DNAH17: variants seen among roughly 807,000 people sequenced by gnomAD.
The protein encoded by DNAH17 is dynein axonemal heavy chain 17, also known as axonemal beta dynein heavy chain 17.
A neutral mutation model predicts 485.6 loss-of-function variants in DNAH17; 376 were observed. The ratio of observed to expected loss-of-function variants is 0.77; its 90% CI spans 0.71 to 0.84. DNAH17 has a LOEUF of 0.84. DNAH17 is among the 40% of genes least tolerant of loss of function. DNAH17 has a pLI of 0.00. For synonymous variants in DNAH17, 3,031 were observed against 2,405.9 expected, an observed-to-expected ratio of 1.26 and a Z score of -7.60; for missense variants, 6,370 against 5,839.3, an observed-to-expected ratio of 1.09 and a Z score of -2.96.
rs1364724892 is a variant in DNAH17, at chr17:78,450,560, C to G, written c.10899+122G>C. The G allele has an allele frequency of 4.9e-6, 7 of 1,422,126 alleles. No homozygotes were observed. The African/African-American group carries it at 7.1e-5, about 14-fold the overall frequency. 88.1% of individuals were successfully genotyped at this position (1,422,126 alleles called of 1,614,324 possible). ...CCAGACCCCTTCTCCTGCCCTGGGC[C>G]CACTCGGGCACGTATGACCGAAGCT... On this transcript the variant is annotated intron_variant, in intron 67 of 80. Transcript: ENST00000389840.
intron 7 of DNAH17, 127 bp from the exon 8 acceptor site, chr17:78,569,654 T>G: frequency 1.7e-6 from 2 of 1,211,132 alleles, no homozygotes; most frequent in Non-Finnish European, 2.2e-6. Context: ...CCCTCCTATC[T>G]GCCCACTGCT....
At chr17:78,466,532 A>G in intron 56 of DNAH17, 123 bp downstream of exon 56, 1 of 869,094 alleles carries the variant, frequency 1.2e-6, no homozygotes, top group African/African-American at 1.7e-5. Context: ...CGTTGAGCCC[A>G]AGGCGGACGC....
intron 61 of DNAH17, 52 bp from the exon 62 acceptor site, chr17:78,458,732 C>T (rs909137207): frequency 6.7e-6 from 10 of 1,494,974 alleles, no homozygotes; most frequent in Admixed American, 5.0e-5. Context: ...GCATCTCTAG[C>T]CCCCTGCAGC....
rs1598469693 is a variant in DNAH17 at position 78,450,977 on chromosome 17, A to G, written c.10735-131T>C. On this transcript the variant is annotated intron_variant, in intron 66 of 80. Coordinates refer to ENST00000389840, the MANE Select transcript of DNAH17 (RefSeq NM_173628.4). The stretch of plus-strand genomic sequence containing the variant: ...CGGGAGGAACGAGCTCAGGTCCTGG[A>G]AGGGGCTGCAGAAGCAGAGCCCCTG... The G allele has an allele frequency of 6.0e-6, 7 of 1,173,492 alleles. No homozygotes were observed. In the South Asian group the frequency reaches 7.3e-5, roughly 12 times the overall value. The allele number at this position is 1,173,492 out of a possible 1,614,324, so 72.7% of individuals were successfully genotyped here.
chr17:78,546,853 C>G (rs547345920), intron 16 of DNAH17, among the ~76,000 whole-genome samples: 1 of 151,862 alleles, frequency 6.6e-6, no homozygotes, highest in Non-Finnish European at 1.5e-5. Flanking sequence ...TGCAGCAAGC[C>G]GAGATTGTGC....
Position 78,507,291 on chromosome 17 carries a change from C to G in DNAH17, c.4663G>C (p.Ala1555Pro), listed in dbSNP as rs2090512065. 2.5e-6 allele frequency: 4 copies of G among 1,613,898 alleles called. No homozygotes were observed. The highest frequency in any genetic ancestry group is 2.5e-6 in the Non-Finnish European group (3 of 1,179,896). ...TGTGAGCCGCACCTCTTCTTCAGGGCCTCCAGTTTATTGTAGAGGCCGGGT... is the reference window on the plus strand; with the variant it reads ...TGTGAGCCGCACCTCTTCTTCAGGGGCTCCAGTTTATTGTAGAGGCCGGGT... ...SKPGLYNKLE[A>P]LKKSLAICEK... is the part of the protein sequence containing the mutation. Residue 1555 changes from alanine (A) to proline (P), a missense_variant, in exon 29 of 81, where the codon GCC (alanine) becomes CCC (proline). Physicochemically the swap from Ala to Pro is conservative, Grantham distance 27. Transcript: ENST00000389840.
At chr17:78,562,120 C>T (rs1208906920) in intron 11 of DNAH17, 140 bp from the exon 12 acceptor site, 1 of 1,063,600 alleles carries the variant, frequency 9.4e-7, no homozygotes, top group East Asian at 2.6e-5. Flanking sequence ...TCCACTGGAA[C>T]CTTTGTGTGT....
At position 78,510,505 on chromosome 17, in the gene DNAH17, A is replaced by T. The variant is rs1390088644; in HGVS notation, c.4115T>A (p.Val1372Glu). 2 of 1,613,398 alleles carry T rather than the reference A, an allele frequency of 1.2e-6. No homozygotes were observed. The highest frequency in any genetic ancestry group is 8.5e-7 in the Non-Finnish European group (1 of 1,179,564). Residue 1372 changes from valine to glutamate, a missense_variant and splice_region_variant, in exon 27 of 81, where the codon GTG becomes GAG. Transcript: ENST00000389840. ...CGTCTCTTCTGACATTTTAAATTTCACCTAAGGGAAAAAAATCCAGGCAGG... is the reference window on the plus strand; with the variant it reads ...CGTCTCTTCTGACATTTTAAATTTCTCCTAAGGGAAAAAAATCCAGGCAGG... ...HWQQLMQATQ[V>E]KFKMSEETTL...
chr17:78,502,568 C>T, intron 33 of DNAH17, 23 bp downstream of exon 33: 1 of 1,598,466 alleles, frequency 6.3e-7, no homozygotes, highest in Admixed American at 1.8e-5. Flanking sequence ...AAAAACGTAA[C>T]TAACTACACA....
chr17:78,473,831 A>G (rs2088886384), intron 54 of DNAH17, among the ~76,000 whole-genome samples: 1 of 152,214 alleles, frequency 6.6e-6, no homozygotes, highest in Non-Finnish European at 1.5e-5. Flanking sequence ...AAAGCTCAGT[A>G]AAACCATACG....
At position 78,479,100 on chromosome 17, in the gene DNAH17, G is replaced by C. The variant is rs752196798; in HGVS notation, c.7917C>G (p.Ile2639Met). The C allele has an allele frequency of 1.9e-6, 3 of 1,613,964 alleles. No individual in the cohort carries two copies. The highest frequency in any genetic ancestry group is 2.5e-6 in the Non-Finnish European group (3 of 1,179,876). ...VAAALALHQKITATFLPTAIK... is the reference protein window; with the variant it reads ...VAAALALHQKMTATFLPTAIK... ...TGGCCGTGGGAAGAAATGTTGCCGT[G>C]ATTTTCTGATGCAAAGCTGTTAGAG... Residue 2639 changes from isoleucine to methionine, a missense_variant, in exon 51 of 81, where the codon ATC becomes ATG. By Grantham distance (10) the Ile-to-Met change is conservative (BLOSUM62 1). Coordinates refer to ENST00000389840, the MANE Select transcript of DNAH17 (RefSeq NM_173628.4).
At chr17:78,431,045 ATTT>A (rs141410692) in intron 75 of DNAH17, among the ~76,000 whole-genome samples, 5 of 147,954 alleles carry the variant, frequency 3.4e-5, no homozygotes, top group African/African-American at 7.5e-5. Context: ...TGCCAGACTA[ATTT>A]TTTTATTTTT....
chr17:78,540,243 T>C (rs1031679882), intron 17 of DNAH17, among the ~76,000 whole-genome samples: 8 of 148,992 alleles, frequency 5.4e-5, no homozygotes, highest in African/African-American at 1.7e-4. Context: ...CATGCCCTTT[T>C]GATGCCCAAA....
Position 78,526,741 on chromosome 17 carries a change from C to A in DNAH17, c.3625-4G>T, listed in dbSNP as rs186490943. On this transcript the variant is annotated splice_polypyrimidine_tract_variant and splice_region_variant and intron_variant, in intron 23 of 80. Transcript: ENST00000389840. ...CCCTGAACTCATGTTGCTTGAGCTGCGAGAGAAGAGTGCAAAGTACAGAGA... is the reference window on the plus strand; with the variant it reads ...CCCTGAACTCATGTTGCTTGAGCTGAGAGAGAAGAGTGCAAAGTACAGAGA... 1.9e-6 allele frequency: 3 copies of A among 1,603,520 alleles called. No homozygotes were observed. The highest frequency in any genetic ancestry group is 1.3e-5 in the African/African-American group (1 of 74,656).
chr17:78,425,473 G>A lies in DNAH17; in HGVS notation c.13014C>T (p.Ser4338=), dbSNP rs779204864. The change falls in exon 80 of 81, where the codon TCC becomes TCT. Residue 4338 remains serine, a synonymous_variant. Transcript: ENST00000389840. ...PQSFLTAIMQ[S]MARKNEWPLD... is the part of the protein sequence containing the mutation. ...GGGGCCACTCGTTCTTCCTGGCCAT[G>A]GACTGCATGATGGCCGTGAGGAACG... 6.2e-7 allele frequency: 1 copy of A among 1,613,988 alleles called. No individual in the cohort carries two copies. The highest frequency in any genetic ancestry group is 8.5e-7 in the Non-Finnish European group (1 of 1,179,920).
At chr17:78,437,144 G>T (rs962147762) in intron 74 of DNAH17, among the ~76,000 whole-genome samples, 1 of 152,180 alleles carries the variant, frequency 6.6e-6, no homozygotes, top group Non-Finnish European at 1.5e-5. Context: ...TGGGTCAGAG[G>T]GGGGCTGAAG....
intron 27 of DNAH17, among the ~76,000 whole-genome samples, chr17:78,509,646 A>G (rs1420838985): frequency 1.3e-5 from 2 of 152,188 alleles, no homozygotes; most frequent in African/African-American, 4.8e-5. Context: ...AACTGCCGGT[A>G]GCCAGTGGCG....
intron 36 of DNAH17, 51 bp downstream of exon 36, chr17:78,500,254 G>A (rs767077071): frequency 1.3e-5 from 20 of 1,551,618 alleles, no homozygotes; most frequent in Non-Finnish European, 8.7e-7. Flanking sequence ...GCTAGGATCT[G>A]CTTCTATAAA....
At chr17:78,478,020 TCACCAC>T (rs1189475946) in intron 51 of DNAH17, among the ~76,000 whole-genome samples, 2 of 79,628 alleles carry the variant, frequency 2.5e-5, no homozygotes, top group African/African-American at 1.2e-4. Flanking sequence ...ATCATCACCA[TCACCAC>T]CACCATCACA....
Sources: allele counts gnomAD v4.1 joint callset (sites outside exome capture counted in the v4.1 genomes callset), GRCh38; gene constraint gnomAD v4.1.1; transcripts MANE v1.5; gene names NCBI Gene and HGNC (gene_info 2026-07-23, HGNC 2026-07-21).